Variants in EFCAB11 observed in about 807,000 individuals in gnomAD.
EFCAB11 encodes EF-hand calcium-binding domain-containing protein 11.
A neutral mutation model predicts 23.0 loss-of-function variants in EFCAB11; 14 were observed. That is an observed-to-expected ratio of 0.61 (90% CI 0.40 to 0.95). The LOEUF is 0.95. EFCAB11 is among the 40% of genes least tolerant of loss of function. The pLI is 0.00. For synonymous variants in EFCAB11, 65 were observed against 66.6 expected (o/e 0.98, Z 0.11); for missense variants, 198 against 195.8 (o/e 1.01, Z -0.07).
chr14:89,882,531 ACTCT>A (rs1201790821), intron 5 of EFCAB11, among the ~76,000 whole-genome samples: 3 of 151,806 alleles, frequency 2.0e-5, no homozygotes, highest in East Asian at 1.9e-4. Flanking sequence ...GACTTCTCTC[ACTCT>A]CTCTCTTTTT....
chr14:89,954,756 A>C, upstream of EFCAB11: 1 of 1,519,056 alleles, frequency 6.6e-7, no homozygotes, highest in Non-Finnish European at 8.8e-7. Context: ...ACCGCGGCTC[A>C]GGAAGCCGAA....
chr14:89,826,684 G>A (rs1222341794), intron 5 of EFCAB11, among the ~76,000 whole-genome samples: 2 of 151,948 alleles, frequency 1.3e-5, no homozygotes, highest in Non-Finnish European at 2.9e-5. Context: ...TGAGCTGAGT[G>A]TTTAAAGACT....
At chr14:89,916,466 G>A (rs1889848372) in intron 5 of EFCAB11, among the ~76,000 whole-genome samples, 2 of 152,220 alleles carry the variant, frequency 1.3e-5, no homozygotes, top group African/African-American at 2.4e-5. Context: ...ATACAAATGT[G>A]TACTCAATTC....
intron 5 of EFCAB11, among the ~76,000 whole-genome samples, chr14:89,920,587 G>A (rs1358157692): frequency 1.3e-5 from 2 of 152,174 alleles, no homozygotes; most frequent in African/African-American, 2.4e-5. Flanking sequence ...GGGGACAGAC[G>A]GAGCCCAACC....
At chr14:89,816,387 A>C (rs963757612) in intron 5 of EFCAB11, among the ~76,000 whole-genome samples, 14 of 152,214 alleles carry the variant, frequency 9.2e-5, no homozygotes, top group African/African-American at 3.1e-4. Flanking sequence ...TTAAAAAGAA[A>C]GTCTTTGAAA....
chr14:89,900,443 T>C (rs1232347605), intron 5 of EFCAB11, among the ~76,000 whole-genome samples: 1 of 152,202 alleles, frequency 6.6e-6, no homozygotes, highest in African/African-American at 2.4e-5. Flanking sequence ...ATTTTCTGAC[T>C]TGAATATTTC....
intron 5 of EFCAB11, among the ~76,000 whole-genome samples, chr14:89,911,723 C>T (rs769339531): frequency 2.6e-5 from 4 of 152,224 alleles, no homozygotes; most frequent in Non-Finnish European, 4.4e-5. Flanking sequence ...CAGAGTCCTG[C>T]GGCTTTGGGG....
intron 5 of EFCAB11, among the ~76,000 whole-genome samples, chr14:89,844,287 G>C (rs1172277350): frequency 6.6e-6 from 1 of 152,202 alleles, no homozygotes; most frequent in Non-Finnish European, 1.5e-5. Context: ...TCTTAAGTGA[G>C]ACTGACAATT....
intron 5 of EFCAB11, among the ~76,000 whole-genome samples, chr14:89,901,297 T>C (rs1337101987): frequency 6.6e-6 from 1 of 152,190 alleles, no homozygotes; most frequent in Non-Finnish European, 1.5e-5. Flanking sequence ...ATCACTGCCA[T>C]TTAGATTAGA....
At chr14:89,865,156 G>A (rs561141243) in intron 5 of EFCAB11, among the ~76,000 whole-genome samples, 1 of 152,290 alleles carries the variant, frequency 6.6e-6, no homozygotes, top group East Asian at 1.9e-4. Flanking sequence ...CGGGGCAAGG[G>A]CAAGGCTGAA....
chr14:89,809,255 C>A (rs1025408080), intron 5 of EFCAB11, among the ~76,000 whole-genome samples: 2 of 152,188 alleles, frequency 1.3e-5, no homozygotes, highest in Non-Finnish European at 2.9e-5. Context: ...GGAACAGACA[C>A]TGGCCACGAG....
intron 5 of EFCAB11, among the ~76,000 whole-genome samples, chr14:89,823,015 A>T (rs1886575991): frequency 6.6e-6 from 1 of 152,174 alleles, no homozygotes; most frequent in African/African-American, 2.4e-5. Flanking sequence ...ATTCCTAGGA[A>T]TAACCCCCAA....
chr14:89,931,611 C>A lies in EFCAB11; in HGVS notation c.340G>T (p.Glu114Ter). The stretch of plus-strand genomic sequence containing the variant: ...TGCCTAAATGCTTTTTTGAAATCTT[C>A]CAAAGTTAAAAATCCACGATCTATT... ...DTYYRGFLTLEDFKKAFRQVA... is the reference protein window; with the variant it reads ...DTYYRGFLTL The change falls in exon 5 of 6, where the codon GAA (glutamate) becomes TAA (stop). Residue 114 changes from glutamate to a stop codon, truncating the protein, a stop_gained. Transcript: ENST00000316738. LOFTEE classifies it high-confidence loss of function. 1 of 1,613,840 alleles carries A rather than the reference C, an allele frequency of 6.2e-7. No individual in the cohort carries two copies. Among genetic ancestry groups the A allele is most frequent in the African/African-American group, 1.3e-5 (1 of 74,982 alleles).
At chr14:89,843,662 T>C (rs1051354230) in intron 5 of EFCAB11, among the ~76,000 whole-genome samples, 2 of 152,244 alleles carry the variant, frequency 1.3e-5, no homozygotes, top group Non-Finnish European at 2.9e-5. Flanking sequence ...TTTCATACTT[T>C]ATTACGTTAA....
At chr14:89,904,929 G>T (rs1384278773) in intron 5 of EFCAB11, among the ~76,000 whole-genome samples, 1 of 152,038 alleles carries the variant, frequency 6.6e-6, no homozygotes, top group Admixed American at 6.6e-5. Flanking sequence ...TCCTTTGTTG[G>T]GGGTGGTCAC....
intron 5 of EFCAB11, among the ~76,000 whole-genome samples, chr14:89,843,803 C>T (rs557455337): frequency 6.6e-6 from 1 of 152,182 alleles, no homozygotes; most frequent in African/African-American, 2.4e-5. Context: ...AACGTTAGCA[C>T]ATTTCATTAT....
intron 5 of EFCAB11, among the ~76,000 whole-genome samples, chr14:89,895,318 C>T (rs187995197): frequency 9.5e-4 from 144 of 152,196 alleles, no homozygotes; most frequent in African/African-American, 3.0e-3. Context: ...CAATGTTAAT[C>T]GAAATCTGAA....
chr14:89,796,595 T>C lies in EFCAB11; in HGVS notation c.*648A>G, dbSNP rs2401854. ...TCCCAAAGTGCTGGGATTGTAGGCA[T>C]GAGCCTATCTTAGAGAAGTCTTAAG... is the stretch of plus-strand genomic sequence containing the variant. On this transcript the variant is annotated 3_prime_UTR_variant, in exon 6 of 6. Transcript: ENST00000316738. 0.83 allele frequency: 125,544 copies of C among 152,146 alleles called. 52,341 individuals carry two copies. Among genetic ancestry groups the C allele is most frequent in the Middle Eastern group, 0.89 (261 of 294 alleles). The allele number at this position is 152,146 out of a possible 1,614,324, so 9.4% of individuals were successfully genotyped here. A position where few individuals can be genotyped will look rare whatever the true frequency, so the allele number is the denominator to read the frequency against.
In EFCAB11 at chr14:89,870,405, G is replaced by A. The variant is rs561527477; in HGVS notation, c.410+61136C>T. On this transcript the variant is annotated intron_variant, in intron 5 of 5. Transcript: ENST00000316738. ...GTTTGATATTACAGGGCTTTTACGG[G>A]AAGACACTACCCTCCACTCTACTAA... is the stretch of plus-strand genomic sequence containing the variant. 6.6e-5 allele frequency among the ~76,000 whole-genome samples: 10 copies of A among 152,068 alleles called. No homozygotes were observed. The South Asian group carries it at 1.2e-3, about 19-fold the overall frequency.
Sources: gnomAD v4.1 joint callset for allele counts (sites outside exome capture counted in the v4.1 genomes callset) on GRCh38, gnomAD v4.1.1 for gene constraint, MANE v1.5 for transcripts, NCBI Gene and HGNC (gene_info 2026-07-23, HGNC 2026-07-21) for gene names.